SALL1: variants seen among roughly 807,000 people sequenced by gnomAD.
The protein encoded by SALL1 is sal-like protein 1.
A neutral mutation model predicts 73.1 loss-of-function variants in SALL1; 10 were observed. That is an observed-to-expected ratio of 0.14 (90% CI 0.08 to 0.23). SALL1 has a LOEUF of 0.23. Ranked by LOEUF, SALL1 falls within the 10% of genes least tolerant of loss-of-function variation. SALL1 has a pLI of 1.00. For missense variants in SALL1, 1,520 were observed against 1,697.3 expected (o/e 0.90, Z 1.84); for synonymous variants, 688 against 689.8 (o/e 1.00, Z 0.04).
At chr16:51,150,896 C>T (rs1962588256) in intron 1 of SALL1, 2 of 367,722 alleles carry the variant, frequency 5.4e-6, no homozygotes, top group Admixed American at 4.6e-5. Flanking sequence ...GGCCGGCATG[C>T]CCGCCCTCCT....
At position 51,151,155 on chromosome 16, in the gene SALL1, G is replaced by T; in HGVS notation, c.76+11C>A. ...TGTGTGTGTGTCCACGGCGCGGGCC[G>T]GAGCACTCACCATCTCGCCGGGGGA... On this transcript the variant is annotated intron_variant, in intron 1 of 2. Transcript: ENST00000251020. The T allele has an allele frequency of 6.3e-7, 1 of 1,588,226 alleles. No individual in the cohort carries two copies. Among genetic ancestry groups the T allele is most frequent in the Non-Finnish European group, 8.5e-7 (1 of 1,169,832 alleles).
intron 1 of SALL1, among the ~76,000 whole-genome samples, chr16:51,148,925 G>C (rs1694663444): frequency 6.6e-6 from 1 of 152,102 alleles, no homozygotes; most frequent in Non-Finnish European, 1.5e-5. Flanking sequence ...AAAGAAGGCT[G>C]GGAGGGGGTG....
intron 1 of SALL1, among the ~76,000 whole-genome samples, chr16:51,145,576 C>A (rs990231272): frequency 3.3e-5 from 5 of 152,028 alleles, no homozygotes; most frequent in Non-Finnish European, 5.9e-5. Context: ...ATACTAAAAT[C>A]CCAGATGCTT....
rs1352802381 is a variant in SALL1, at chr16:51,137,419, GC to G, written c.3667del (p.Ala1223GlnfsTer25). 6.2e-7 allele frequency: 1 copy of G among 1,614,138 alleles called. No individual in the cohort carries two copies. Among genetic ancestry groups the G allele is most frequent in the Non-Finnish European group, 8.5e-7 (1 of 1,180,032 alleles). On this transcript the variant is annotated frameshift_variant, in exon 3 of 3. Transcript: ENST00000251020. LOFTEE classifies it high-confidence loss of function. ...FPEMFQKDLA[A>X]RSGSGDPSSF... ...GGAAGGATCCCCACTTCCTGATCTT[GC>G]CGCCAAATCCTTCTGGAACATTTCT...
At chr16:51,137,582 CAGAG>C (rs142249003) in intron 2 of SALL1, 30 bp from the exon 3 acceptor site, 68 of 1,502,500 alleles carry the variant, frequency 4.5e-5, no homozygotes, top group Non-Finnish European at 5.1e-5. Flanking sequence ...GGCAGAGAGA[CAGAG>C]AGAGAGAGAG....
Position 51,140,405 on chromosome 16 carries a change from C to T in SALL1, c.1817G>A (p.Gly606Asp), listed in dbSNP as rs200591236. 4.3e-6 allele frequency: 7 copies of T among 1,614,076 alleles called. No homozygotes were observed. The highest frequency in any genetic ancestry group is 3.3e-5 in the South Asian group (3 of 91,068). ...CCCTTCGGCTTCCTCTGGGAGCCCA[C>T]CTAGGTTTCTTGTGGCTGACTCAGG... ...GGPESATRNL[G>D]GLPEEAEGST... The change falls in exon 2 of 3, where the codon GGT (glycine) becomes GAT (aspartate). Residue 606 changes from glycine to aspartate, a missense_variant. Physicochemically the swap from Gly to Asp is moderately conservative, Grantham distance 94 (BLOSUM62 -1). Around this residue, in one of 7 missense-constraint regions of SALL1, gnomAD observed 276 missense variants for 259.1 expected, o/e 1.07. Coordinates refer to ENST00000251020, the MANE Select transcript of SALL1 (RefSeq NM_002968.3). The surrounding 1 kb of genome is among the most constrained non-coding windows in gnomAD (Gnocchi z 5.7).
chr16:51,141,153 C>G lies in SALL1; in HGVS notation c.1069G>C (p.Ala357Pro). 6.2e-7 allele frequency: 1 copy of G among 1,614,172 alleles called. No homozygotes were observed. Among genetic ancestry groups the G allele is most frequent in the Non-Finnish European group, 8.5e-7 (1 of 1,180,034 alleles). ...AVTTPSSEKVASSAGASHVSN... is the reference protein window; with the variant it reads ...AVTTPSSEKVPSSAGASHVSN... ...ACATGGGAGGCCCCAGCACTTGAAG[C>G]CACTTTTTCAGAGGACGGGGTGGTA... is the stretch of plus-strand genomic sequence containing the variant. The change falls in exon 2 of 3, where the codon GCT becomes CCT. Residue 357 changes from alanine to proline, a missense_variant. Ala to Pro is a conservative substitution (Grantham distance 27, BLOSUM62 -1). This residue lies in a region of SALL1 where 540 missense variants were observed against 567.5 expected (regional missense o/e 0.95). Transcript: ENST00000251020. This position sits in a 1 kb window ranked among gnomAD's most constrained non-coding sequence, Gnocchi z 5.4.
rs2143442769 is a variant in SALL1, at chr16:51,140,119, C to T, written c.2103G>A (p.Lys701=). ...LQQLVENIDK[K]ATDPNECIIC... Reference sequence around the variant, plus strand: ...TGATGCACTCATTGGGGTCAGTGGCCTTCTTGTCAATGTTTTCTACCAGTT... The same window carrying T: ...TGATGCACTCATTGGGGTCAGTGGCTTTCTTGTCAATGTTTTCTACCAGTT... Residue 701 remains lysine (K), a synonymous_variant, in exon 2 of 3, where the codon AAG becomes AAA. Coordinates refer to ENST00000251020, the MANE Select transcript of SALL1 (RefSeq NM_002968.3). This position sits in a 1 kb window ranked among gnomAD's most constrained non-coding sequence, Gnocchi z 5.7. The T allele has an allele frequency of 1.9e-6, 3 of 1,614,124 alleles. No homozygotes were observed. Among genetic ancestry groups the T allele is most frequent in the Non-Finnish European group, 2.5e-6 (3 of 1,180,026 alleles).
rs1962310219 is a variant in SALL1, at chr16:51,137,020, G to T, written c.*92C>A. 9.3e-7 allele frequency: 1 copy of T among 1,076,502 alleles called. No homozygotes were observed. Among genetic ancestry groups the T allele is most frequent in the African/African-American group, 1.6e-5 (1 of 62,888 alleles). The allele number at this position is 1,076,502 out of a possible 1,614,324, so 66.7% of individuals were successfully genotyped here. On this transcript the variant is annotated 3_prime_UTR_variant, in exon 3 of 3. Transcript: ENST00000251020. The stretch of plus-strand genomic sequence containing the variant: ...TCATAGATCTGGGGAACAGAAGGAA[G>T]GGGCGGGGCGGGGTGGGGGGCAAGG...
At position 51,141,337 on chromosome 16, in the gene SALL1, T is replaced by C. The variant is rs775831787; in HGVS notation, c.885A>G (p.Ala295=). The change falls in exon 2 of 3, where the codon GCA becomes GCG. Residue 295 remains alanine (A), a synonymous_variant. Coordinates refer to ENST00000251020, the MANE Select transcript of SALL1 (RefSeq NM_002968.3). This position sits in a 1 kb window ranked among gnomAD's most constrained non-coding sequence, Gnocchi z 5.4. The part of the protein sequence containing the change: ...LSSHLSQQLA[A]AAGLAQSLAS... Reference sequence around the variant, plus strand: ...CGAGGCTCTGTGCCAATCCAGCTGCTGCTGCCAGCTGCTGAGATAAATGGG... The same window carrying C: ...CGAGGCTCTGTGCCAATCCAGCTGCCGCTGCCAGCTGCTGAGATAAATGGG... 1.9e-6 allele frequency: 3 copies of C among 1,613,760 alleles called. No homozygotes were observed. The highest frequency in any genetic ancestry group is 2.5e-6 in the Non-Finnish European group (3 of 1,180,046).
chr16:51,139,418 G>A lies in SALL1; in HGVS notation c.2804C>T (p.Thr935Met), dbSNP rs755926434. The part of the protein sequence containing the change: ...SMQALSPSNS[T>M]QEFHKSPSIE... ...GCTGGGTGACTTGTGGAACTCCTGC[G>A]TGCTGTTGGACGGGGACAGAGCCTG... The change falls in exon 2 of 3, where the codon ACG (threonine) becomes ATG (methionine). Residue 935 changes from threonine (T) to methionine (M), a missense_variant. By Grantham distance (81) the Thr-to-Met change is moderately conservative (BLOSUM62 -1). This residue lies in a region of SALL1 where 266 missense variants were observed against 275.1 expected (regional missense o/e 0.97). Transcript: ENST00000251020. 68 of 1,614,058 alleles carry A rather than the reference G, an allele frequency of 4.2e-5. No individual in the cohort carries two copies. Among genetic ancestry groups the A allele is most frequent in the Non-Finnish European group, 5.3e-5 (62 of 1,180,046 alleles).
chr16:51,142,293 C>T lies in SALL1; in HGVS notation c.77-148G>A, dbSNP rs1047596596. On this transcript the variant is annotated intron_variant, in intron 1 of 2. Coordinates refer to ENST00000251020, the MANE Select transcript of SALL1 (RefSeq NM_002968.3). ...AAAACCAATCAATATTACCTAAGAACATCCATAATTAATTTGTAAGGGTAT... is the reference window on the plus strand; with the variant it reads ...AAAACCAATCAATATTACCTAAGAATATCCATAATTAATTTGTAAGGGTAT... 2.2e-5 allele frequency: 15 copies of T among 674,278 alleles called. 1 individual carries two copies. The African/African-American group carries it at 2.7e-4, about 12-fold the overall frequency. 41.8% of individuals were successfully genotyped at this position (674,278 alleles called of 1,614,324 possible). A position where few individuals can be genotyped will look rare whatever the true frequency, so the allele number is the denominator to read the frequency against.
In SALL1 at chr16:51,142,053, C is replaced by T; in HGVS notation, c.169G>A (p.Asp57Asn). The T allele has an allele frequency of 1.2e-6, 2 of 1,614,046 alleles. No individual in the cohort carries two copies. The highest frequency in any genetic ancestry group is 1.7e-6 in the Non-Finnish European group (2 of 1,180,012). Residue 57 changes from aspartate to asparagine, a missense_variant, in exon 2 of 3, where the codon GAT becomes AAT. By Grantham distance (23) the Asp-to-Asn change is conservative (BLOSUM62 1). Transcript: ENST00000251020. ...RCCAEFFELSDLLLHKKNCTK... is the reference protein window; with the variant it reads ...RCCAEFFELSNLLLHKKNCTK... ...CAGTTCTTCTTGTGGAGCAGAAGAT[C>T]TGATAATTCAAAGAACTCGGCACAG...
intron 1 of SALL1, among the ~76,000 whole-genome samples, chr16:51,142,859 T>C (rs1239448901): frequency 6.6e-6 from 1 of 152,200 alleles, no homozygotes; most frequent in East Asian, 1.9e-4. Flanking sequence ...GCCTGGCACC[T>C]ATATATCACC....
At chr16:51,146,896 T>A (rs1248523532) in intron 1 of SALL1, among the ~76,000 whole-genome samples, 2 of 152,186 alleles carry the variant, frequency 1.3e-5, no homozygotes, top group Admixed American at 6.5e-5. Context: ...AATCTAAGAA[T>A]ATTTTTGGAA....
chr16:51,151,753 C>T (rs972516338), upstream of SALL1, among the ~76,000 whole-genome samples: 11 of 151,648 alleles, frequency 7.3e-5, no homozygotes, highest in African/African-American at 2.7e-4. Context: ...CGCCCCCCCC[C>T]ACAATCCCGG....
Position 51,137,200 on chromosome 16 carries a change from C to T in SALL1, c.3887G>A (p.Gly1296Asp). The change falls in exon 3 of 3, where the codon GGC becomes GAC. Residue 1296 changes from glycine to aspartate, a missense_variant. This residue lies in a region of SALL1 where 318 missense variants were observed against 357.1 expected (regional missense o/e 0.89). Transcript: ENST00000251020. ...QNSEPNAPLA[G>D]LEKMASSENG... Reference sequence around the variant, plus strand: ...CTCACTGCTTGCCATTTTCTCCAGGCCGGCCAGGGGAGCATTGGGCTCTGA... The same window carrying T: ...CTCACTGCTTGCCATTTTCTCCAGGTCGGCCAGGGGAGCATTGGGCTCTGA... 6.2e-7 allele frequency: 1 copy of T among 1,614,160 alleles called. No homozygotes were observed. The highest frequency in any genetic ancestry group is 1.1e-5 in the South Asian group (1 of 91,072).
intron 1 of SALL1, among the ~76,000 whole-genome samples, chr16:51,144,384 A>T (rs186407725): frequency 6.6e-6 from 1 of 152,326 alleles, no homozygotes; most frequent in Admixed American, 6.5e-5. Context: ...TAAGCTCTGC[A>T]TTCAGTGGAA....
rs1455013855 is a variant in SALL1, at chr16:51,138,756, G to A, written c.3466C>T (p.His1156Tyr). Reference sequence around the variant, plus strand: ...CAAGCAAAGGGTTTCTCTCCAGTGTGAGTTCTCTCGTGAATCTGCAGGGCA... The same window carrying A: ...CAAGCAAAGGGTTTCTCTCCAGTGTAAGTTCTCTCGTGAATCTGCAGGGCA... ...SSALQIHERT[H>Y]TGEKPFACTI... is the part of the protein sequence containing the mutation. Residue 1156 changes from histidine to tyrosine, a missense_variant, in exon 2 of 3, where the codon CAC becomes TAC. By Grantham distance (83) the His-to-Tyr change is moderately conservative. Transcript: ENST00000251020. The A allele has an allele frequency of 6.2e-7, 1 of 1,614,192 alleles. No homozygotes were observed. Among genetic ancestry groups the A allele is most frequent in the Admixed American group, 1.7e-5 (1 of 60,034 alleles).
Sources: gnomAD v4.1 joint callset for allele counts (sites outside exome capture counted in the v4.1 genomes callset) on GRCh38, gnomAD v4.1.1 for gene constraint, gnomAD v4.1.1 regional missense constraint, Gnocchi (gnomAD v3.1) non-coding constraint, MANE v1.5 for transcripts, NCBI Gene and HGNC (gene_info 2026-07-23, HGNC 2026-07-21) for gene names.